Variants in CUX1 observed in about 807,000 individuals in gnomAD.
CUX1 encodes the protein cut like homeobox 1, also known as protein CASP.
In CUX1, 31 loss-of-function variants were observed where a neutral mutation model predicts 158.8. The observed-to-expected ratio is 0.20, with a 90% CI of 0.15 to 0.26. The LOEUF (loss-of-function observed/expected upper bound fraction) is 0.26. Among genes scored for constraint, CUX1 ranks in the 10% least tolerant of loss-of-function variants. The pLI, the probability that CUX1 is intolerant of heterozygous loss-of-function variation, is 1.00. For missense variants in CUX1, 1,589 were observed against 2,014.6 expected (o/e 0.79, Z 4.04); for synonymous variants, 879 against 862.1 (o/e 1.02, Z -0.34).
intron 2 of CUX1, among the ~76,000 whole-genome samples, chr7:101,943,733 T>G (rs1392797629): frequency 6.6e-6 from 1 of 151,980 alleles, no homozygotes; most frequent in African/African-American, 2.4e-5. Flanking sequence ...GTTGGCACCT[T>G]TTGGCTTGTG....
intron 1 of CUX1, among the ~76,000 whole-genome samples, chr7:101,909,818 G>A (rs555046396): frequency 6.6e-6 from 1 of 152,366 alleles, no homozygotes; most frequent in South Asian, 2.1e-4. Context: ...CCCACCCTGT[G>A]GGAGCCTGGC....
At chr7:101,836,206 T>C (rs1055297595) in intron 1 of CUX1, among the ~76,000 whole-genome samples, 3 of 152,226 alleles carry the variant, frequency 2.0e-5, no homozygotes, top group African/African-American at 7.2e-5. Context: ...TTCTCCAGAA[T>C]GCTGCTTTTA....
intron 1 of CUX1, among the ~76,000 whole-genome samples, chr7:101,832,884 G>A (rs997287783): frequency 2.6e-5 from 4 of 152,062 alleles, no homozygotes; most frequent in African/African-American, 9.7e-5. Flanking sequence ...CTTACCAGGA[G>A]CAGCGCCATG....
chr7:102,196,576 GT>G (rs1204628139), intron 14 of CUX1, 57 bp from the exon 15 acceptor site: 81 of 1,377,616 alleles, frequency 5.9e-5, no homozygotes, highest in Middle Eastern at 1.9e-4. Context: ...TTTGGTCTTG[GT>G]TTTTTTTTCC....
At position 102,248,501 on chromosome 7, in the gene CUX1, G is replaced by A; in HGVS notation, c.3977G>A (p.Ser1326Asn). 6.4e-7 allele frequency: 1 copy of A among 1,559,752 alleles called. No homozygotes were observed. Among genetic ancestry groups the A allele is most frequent in the Non-Finnish European group, 8.6e-7 (1 of 1,156,414 alleles). ...AGASDSPSARSGRAAPSSEGD... is the reference protein window; with the variant it reads ...AGASDSPSARNGRAAPSSEGD... ...GCCAGCGACTCACCCTCGGCCCGCA[G>A]CGGCCGGGCGGCGCCCAGCTCGGAG... is the stretch of plus-strand genomic sequence containing the variant. The change falls in exon 24 of 24, where the codon AGC becomes AAC. Residue 1326 changes from serine (S) to asparagine (N), a missense_variant. Physicochemically the swap from Ser to Asn is conservative, Grantham distance 46 (BLOSUM62 1). This residue lies in a region of CUX1 where 344 missense variants were observed against 323.7 expected (regional missense o/e 1.06). Coordinates refer to ENST00000292535, the MANE Select transcript of CUX1 (RefSeq NM_181552.4). The surrounding 1 kb of genome is among the most constrained non-coding windows in gnomAD (Gnocchi z 5.8).
intron 23 of CUX1, 151 bp downstream of exon 23, chr7:102,239,735 T>A (rs568531216): frequency 1.3e-6 from 1 of 792,200 alleles, no homozygotes; most frequent in African/African-American, 2.1e-5. Context: ...CCCTTAGGGT[T>A]TTTTTTTTCT....
intron 22 of CUX1, among the ~76,000 whole-genome samples, chr7:102,236,724 G>A (rs1799605826): frequency 6.6e-6 from 1 of 152,232 alleles, no homozygotes; most frequent in South Asian, 2.1e-4. Flanking sequence ...GCAGCCCTCA[G>A]CCCTTAGGAG....
chr7:102,112,558 T>C (rs897877137), intron 7 of CUX1, among the ~76,000 whole-genome samples: 1 of 126,300 alleles, frequency 7.9e-6, no homozygotes, highest in Non-Finnish European at 1.7e-5. Context: ...TATTTCTTTT[T>C]TTGTTTTGTT....
At chr7:102,141,602 C>T (rs1554500305) in intron 8 of CUX1, among the ~76,000 whole-genome samples, 4 of 151,884 alleles carry the variant, frequency 2.6e-5, no homozygotes, top group Admixed American at 1.3e-4. Context: ...TTAGTTTTAG[C>T]TTCTCTGCCT....
rs912999606 is a variant in CUX1 at position 102,253,409 on chromosome 7, A to G, written c.*4367A>G. 3 of 985,332 alleles carry G rather than the reference A, an allele frequency of 3.0e-6. No individual in the cohort carries two copies. The highest frequency in any genetic ancestry group is 4.7e-5 in the South Asian group (1 of 21,288). 61.0% of individuals were successfully genotyped at this position (985,332 alleles called of 1,614,324 possible). A position where few individuals can be genotyped will look rare whatever the true frequency, so the allele number is the denominator to read the frequency against. On this transcript the variant is annotated 3_prime_UTR_variant, in exon 24 of 24. Transcript: ENST00000292535. ...TGCCACAGCCAGGCCCTAAAAAGAG[A>G]GGGGAACAGGAGTCCCCAGGTGAGC...
At chr7:102,273,661 C>T (rs555659859) in intron 15 of CUX1, among the ~76,000 whole-genome samples, 2 of 152,278 alleles carry the variant, frequency 1.3e-5, no homozygotes, top group Admixed American at 6.5e-5. Flanking sequence ...ATGAATACCA[C>T]CCTGCCTCCG....
At chr7:101,985,240 A>G (rs1480759267) in intron 2 of CUX1, among the ~76,000 whole-genome samples, 1 of 151,834 alleles carries the variant, frequency 6.6e-6, no homozygotes, top group East Asian at 1.9e-4. Flanking sequence ...AGATACTTTC[A>G]CCTTTGGTTC....
chr7:102,055,453 T>C (rs450854), intron 3 of CUX1, among the ~76,000 whole-genome samples: 82,666 of 151,980 alleles, frequency 0.54, 24,510 homozygotes, highest in East Asian at 0.97. Flanking sequence ...CCACAATATT[T>C]CCAATTATTC....
intron 1 of CUX1, among the ~76,000 whole-genome samples, chr7:101,821,664 CTTTTTTCT>C (rs1562884513): frequency 1.4e-4 from 10 of 71,030 alleles, no homozygotes; most frequent in Middle Eastern, 0.01. Flanking sequence ...TTCTTTTTTT[CTTTTTTCT>C]TTTTTTTTTT....
intron 3 of CUX1, among the ~76,000 whole-genome samples, chr7:102,036,799 A>G (rs923426142): frequency 2.0e-5 from 3 of 151,978 alleles, no homozygotes; most frequent in Admixed American, 6.6e-5. Context: ...GCCTATGCAT[A>G]TATATAGAAG....
At chr7:102,000,216 C>CAA (rs113719298) in intron 2 of CUX1, among the ~76,000 whole-genome samples, 156 of 146,450 alleles carry the variant, frequency 1.1e-3, no homozygotes, top group East Asian at 3.4e-3. Flanking sequence ...AACTCTATCT[C>CAA]AAAAAAAAAA....
In CUX1 at chr7:102,170,395, A is replaced by G. The variant is rs1229944661; in HGVS notation, c.724-51A>G. ...GATGAATGTTCTTGTAATAATTGTC[A>G]GTTGTTAAACTGAATGTACTTTCTC... On this transcript the variant is annotated intron_variant, in intron 9 of 23. Transcript: ENST00000292535. 12 of 1,253,636 alleles carry G rather than the reference A, an allele frequency of 9.6e-6. No homozygotes were observed. The African/African-American group carries it at 1.8e-4, about 19-fold the overall frequency. 77.7% of individuals were successfully genotyped at this position (1,253,636 alleles called of 1,614,324 possible). A position where few individuals can be genotyped will look rare whatever the true frequency, so the allele number is the denominator to read the frequency against.
chr7:102,252,674 T>C lies in CUX1; in HGVS notation c.*3632T>C. 3.0e-6 allele frequency: 3 copies of C among 985,426 alleles called. No homozygotes were observed. In the South Asian group the frequency reaches 1.4e-4, roughly 46 times the overall value. 61.0% of individuals were successfully genotyped at this position (985,426 alleles called of 1,614,324 possible). A position where few individuals can be genotyped will look rare whatever the true frequency, so the allele number is the denominator to read the frequency against. ...TAGCCGAGATGGCAGGTGTGTGAGT[T>C]CTGTCCTAGACCTGTGCCCAACTCA... On this transcript the variant is annotated 3_prime_UTR_variant, in exon 24 of 24. Coordinates refer to ENST00000292535, the MANE Select transcript of CUX1 (RefSeq NM_181552.4).
intron 1 of CUX1, among the ~76,000 whole-genome samples, chr7:101,846,019 GA>G: frequency 6.6e-6 from 1 of 150,760 alleles, no homozygotes; most frequent in East Asian, 1.9e-4. Flanking sequence ...AAAAAAAAAA[GA>G]AAAAATGCAG....
Sources: gnomAD v4.1 joint callset for allele counts (sites outside exome capture counted in the v4.1 genomes callset) on GRCh38, gnomAD v4.1.1 for gene constraint, gnomAD v4.1.1 regional missense constraint, Gnocchi (gnomAD v3.1) non-coding constraint, MANE v1.5 for transcripts, NCBI Gene and HGNC (gene_info 2026-07-23, HGNC 2026-07-21) for gene names.